The following CYYR1 variants were observed in gnomAD, a reference collection of about 807,000 sequenced individuals.
The protein encoded by CYYR1 is cysteine and tyrosine-rich protein 1.
In CYYR1, 14 loss-of-function variants were observed where a neutral mutation model predicts 15.2. The ratio of observed to expected loss-of-function variants is 0.92; its 90% CI spans 0.61 to 1.44. The LOEUF is 1.44. Ranked by LOEUF, CYYR1 falls within the 40% of genes most tolerant of loss-of-function variation. The probability of loss-of-function intolerance (pLI) is 0.00; values close to 1 mark genes in which losing one functional copy is unlikely to be tolerated. For synonymous variants in CYYR1, 80 were observed against 77.4 expected (o/e 1.03, Z -0.18); for missense variants, 228 against 209.5 (o/e 1.09, Z -0.54).
chr21:26,540,643 C>CA (rs1299707177), intron 2 of CYYR1, among the ~76,000 whole-genome samples: 1 of 151,808 alleles, frequency 6.6e-6, no homozygotes, highest in South Asian at 2.1e-4. Flanking sequence ...GCAGGAGTGA[C>CA]AAAAAATGGA....
At chr21:26,483,061 T>C (rs376992542) in intron 2 of CYYR1, among the ~76,000 whole-genome samples, 1 of 152,132 alleles carries the variant, frequency 6.6e-6, no homozygotes, top group East Asian at 1.9e-4. Context: ...CTGGATCGAT[T>C]CTCTAACTCT....
intron 3 of CYYR1, among the ~76,000 whole-genome samples, chr21:26,477,313 C>T (rs1487216250): frequency 2.0e-5 from 3 of 152,062 alleles, no homozygotes; most frequent in African/African-American, 4.8e-5. Flanking sequence ...TCTTAATTAG[C>T]GCCTTTGAGA....
At chr21:26,480,207 C>T (rs2123398578) in intron 3 of CYYR1, 65 bp downstream of exon 3, 6 of 1,463,904 alleles carry the variant, frequency 4.1e-6, no homozygotes, top group Non-Finnish European at 5.5e-6. Flanking sequence ...ATGTTTCCTT[C>T]TCTCTGTGAG....
At position 26,469,122 on chromosome 21, in the gene CYYR1, A is replaced by T. The variant is rs555884086; in HGVS notation, c.335-488T>A. ...CTCAGCAGTCAACAGAGGCAGAGGT[A>T]GATAAAAGAAAAGCTGCAACAATGT... On this transcript the variant is annotated intron_variant, in intron 3 of 3. Transcript: ENST00000652641. Among the ~76,000 whole-genome samples the T allele has an allele frequency of 4.6e-5, 7 of 152,324 alleles. 1 individual carries two copies. In the South Asian group the frequency reaches 1.5e-3, roughly 32 times the overall value.
intron 2 of CYYR1, among the ~76,000 whole-genome samples, chr21:26,546,347 A>C (rs975749772): frequency 8.5e-5 from 13 of 152,162 alleles, no homozygotes; most frequent in Admixed American, 8.5e-4. Context: ...ATCACCACCC[A>C]ATCACTTCCA....
At chr21:26,510,828 A>G (rs1009863951) in intron 2 of CYYR1, among the ~76,000 whole-genome samples, 3 of 152,210 alleles carry the variant, frequency 2.0e-5, no homozygotes, top group African/African-American at 7.2e-5. Flanking sequence ...ATTAATAATG[A>G]TATCCTATTT....
At chr21:26,477,242 T>C (rs1218727372) in intron 3 of CYYR1, among the ~76,000 whole-genome samples, 1 of 152,174 alleles carries the variant, frequency 6.6e-6, no homozygotes, top group African/African-American at 2.4e-5. Flanking sequence ...TTTCCATAGA[T>C]GAAAGATTTT....
intron 2 of CYYR1, among the ~76,000 whole-genome samples, chr21:26,555,829 C>A (rs117638454): frequency 0.014 from 2,134 of 152,216 alleles, 16 homozygotes; most frequent in Non-Finnish European, 0.02. Flanking sequence ...CAGAATTCTT[C>A]CAACATAATG....
At position 26,515,029 on chromosome 21, in the gene CYYR1, C is replaced by T. The variant is rs116811454; in HGVS notation, c.177-34600G>A. ...TATGCATGATAGTACTATCTTTTCT[C>T]CCCATGTTTTCTCTTGTAAGTTAAA... On this transcript the variant is annotated intron_variant, in intron 2 of 3. Transcript: ENST00000652641. Among the ~76,000 whole-genome samples the T allele has an allele frequency of 2.9e-3, 446 of 152,232 alleles. 3 individuals are homozygous for T. The highest frequency in any genetic ancestry group is 7.6e-3 in the Admixed American group (116 of 15,294).
intron 2 of CYYR1, among the ~76,000 whole-genome samples, chr21:26,534,407 A>T (rs1489998683): frequency 6.6e-6 from 1 of 152,042 alleles, no homozygotes; most frequent in Non-Finnish European, 1.5e-5. Context: ...GCCCCTCCTG[A>T]TCTACTCTCT....
intron 2 of CYYR1, among the ~76,000 whole-genome samples, chr21:26,517,598 C>G (rs2065749395): frequency 6.6e-6 from 1 of 152,124 alleles, no homozygotes; most frequent in Non-Finnish European, 1.5e-5. Flanking sequence ...CTTTGTTGTC[C>G]AGGCTGGAGT....
chr21:26,536,164 A>G (rs1978299488), intron 2 of CYYR1, among the ~76,000 whole-genome samples: 1 of 152,254 alleles, frequency 6.6e-6, no homozygotes, highest in African/African-American at 2.4e-5. Context: ...GAACTCTATC[A>G]TGAGAAAAGC....
In CYYR1 at chr21:26,468,096, C is replaced by A; in HGVS notation, c.*405G>T. 7.5e-6 allele frequency: 2 copies of A among 267,160 alleles called. No individual in the cohort carries two copies. The highest frequency in any genetic ancestry group is 1.5e-5 in the Non-Finnish European group (2 of 137,040). The allele number at this position is 267,160 out of a possible 1,614,324, so 16.5% of individuals were successfully genotyped here. On this transcript the variant is annotated 3_prime_UTR_variant, in exon 4 of 4. Coordinates refer to ENST00000652641, the MANE Select transcript of CYYR1 (RefSeq NM_001320768.2). ...ACAATTCTAGTTCTGACTTTTAAAG[C>A]TATATAGAATAAAGTTGCTTCCTTG...
intron 2 of CYYR1, among the ~76,000 whole-genome samples, chr21:26,485,295 G>T (rs570342236): frequency 6.6e-5 from 10 of 152,088 alleles, no homozygotes; most frequent in South Asian, 2.1e-4. Context: ...TACATCTTAA[G>T]TAACAATGGC....
chr21:26,490,586 C>T (rs1421695704), intron 2 of CYYR1, among the ~76,000 whole-genome samples: 1 of 152,068 alleles, frequency 6.6e-6, no homozygotes, highest in Non-Finnish European at 1.5e-5. Flanking sequence ...TTTCTTAATG[C>T]TATTTCTTGG....
At chr21:26,545,422 C>T (rs1028029623) in intron 2 of CYYR1, among the ~76,000 whole-genome samples, 2 of 152,154 alleles carry the variant, frequency 1.3e-5, no homozygotes, top group African/African-American at 4.8e-5. Context: ...GTCCTTCAGG[C>T]TTCTTCGTCT....
chr21:26,508,056 A>G (rs1220068645), intron 2 of CYYR1, among the ~76,000 whole-genome samples: 1 of 152,224 alleles, frequency 6.6e-6, no homozygotes, highest in Non-Finnish European at 1.5e-5. Flanking sequence ...GGAAGACTAT[A>G]AATGAGACAA....
intron 2 of CYYR1, among the ~76,000 whole-genome samples, chr21:26,537,172 G>A (rs1247742451): frequency 6.6e-6 from 1 of 152,112 alleles, no homozygotes; most frequent in Non-Finnish European, 1.5e-5. Flanking sequence ...TAGATAGAAA[G>A]CATGGCATAT....
At chr21:26,496,696 TC>T (rs2065409381) in intron 2 of CYYR1, among the ~76,000 whole-genome samples, 1 of 152,182 alleles carries the variant, frequency 6.6e-6, no homozygotes, top group Admixed American at 6.5e-5. Context: ...GGTCAGTGCA[TC>T]CCAAATGGGG....
Sources: allele counts gnomAD v4.1 joint callset (sites outside exome capture counted in the v4.1 genomes callset), GRCh38; gene constraint gnomAD v4.1.1; transcripts MANE v1.5; gene names NCBI Gene and HGNC (gene_info 2026-07-23, HGNC 2026-07-21).